The following FMO2 variants were observed in gnomAD, a reference collection of about 807,000 sequenced individuals.
FMO2 encodes flavin-containing monooxygenase 2.
Under a neutral mutation model 41.6 loss-of-function variants are expected in FMO2, and 33 were observed. That is an observed-to-expected ratio of 0.79 (90% confidence interval 0.60 to 1.06). The LOEUF is 1.06. Among genes scored for constraint, FMO2 ranks in the 50% least tolerant of loss-of-function variants. FMO2 has a pLI of 0.00. For synonymous variants in FMO2, 214 were observed against 219.6 expected (o/e 0.97, Z 0.23); for missense variants, 619 against 632.9 (o/e 0.98, Z 0.23).
Position 171,205,131 on chromosome 1 carries a change from G to T in FMO2, c.828-148G>T, listed in dbSNP as rs567654705. ...ACATGAGAATTAAGTCAGAAAATAA[G>T]GATTTGCACAGACAACCAGTTAAGT... On this transcript the variant is annotated intron_variant, in intron 6 of 8. Coordinates refer to ENST00000209929, the MANE Select transcript of FMO2 (RefSeq NM_001460.5). The T allele has an allele frequency of 1.5e-5, 8 of 550,618 alleles. No individual in the cohort carries two copies. In the South Asian group the frequency reaches 2.4e-4, roughly 17 times the overall value. The allele number at this position is 550,618 out of a possible 1,614,324, so 34.1% of individuals were successfully genotyped here. A position where few individuals can be genotyped will look rare whatever the true frequency, so the allele number is the denominator to read the frequency against.
Position 171,205,470 on chromosome 1 carries a change from A to G in FMO2, c.1019A>G (p.Asp340Gly), listed in dbSNP as rs1184213525. 6.2e-7 allele frequency: 1 copy of G among 1,613,748 alleles called. No individual in the cohort carries two copies. Among genetic ancestry groups the G allele is most frequent in the South Asian group, 1.1e-5 (1 of 91,078 alleles). ...AGTTTCTCTTTTCCCTTCCTTGAAGATTCACTCGTTAAAGTAGAGAATAAT... is the reference window on the plus strand; with the variant it reads ...AGTTTCTCTTTTCCCTTCCTTGAAGGTTCACTCGTTAAAGTAGAGAATAAT... ...GYSFSFPFLE[D>G]SLVKVENNMV... The change falls in exon 7 of 9, where the codon GAT becomes GGT. Residue 340 changes from aspartate (D) to glycine (G), a missense_variant. Transcript: ENST00000209929.
Position 171,208,830 on chromosome 1 carries a change from T to A in FMO2, c.1293T>A (p.Asn431Lys). ...GESQSQTLQT[N>K]YVDYLDELAL... ...GCCAGAGCCAGACGTTGCAGACCAA[T>A]TATGTTGACTACTTGGACGAGCTCG... The change falls in exon 9 of 9, where the codon AAT becomes AAA. Residue 431 changes from asparagine (N) to lysine (K), a missense_variant. Physicochemically the swap from Asn to Lys is moderately conservative, Grantham distance 94. Coordinates refer to ENST00000209929, the MANE Select transcript of FMO2 (RefSeq NM_001460.5). 3.1e-6 allele frequency: 5 copies of A among 1,613,960 alleles called. No homozygotes were observed. Among genetic ancestry groups the A allele is most frequent in the Non-Finnish European group, 4.2e-6 (5 of 1,179,852 alleles).
chr1:171,185,616 C>A, intron 1 of FMO2, 92 bp from the exon 2 acceptor site: 1 of 1,272,264 alleles, frequency 7.9e-7, no homozygotes, highest in Non-Finnish European at 1.1e-6. Context: ...ACCACTGCTA[C>A]AATGTTTAAA....
At chr1:171,192,528 G>A (rs1175500135) in intron 2 of FMO2, among the ~76,000 whole-genome samples, 1 of 152,140 alleles carries the variant, frequency 6.6e-6, no homozygotes, top group Non-Finnish European at 1.5e-5. Flanking sequence ...TTGGGAGGCT[G>A]AGGCGGGTGG....
intron 2 of FMO2, among the ~76,000 whole-genome samples, chr1:171,187,402 G>A (rs28369806): frequency 7.4e-4 from 112 of 152,208 alleles, no homozygotes; most frequent in African/African-American, 2.6e-3. Flanking sequence ...CAGGACCTGC[G>A]CATGCTTTGT....
chr1:171,196,109 A>G (rs148453270), intron 3 of FMO2, among the ~76,000 whole-genome samples: 150 of 152,348 alleles, frequency 9.8e-4, no homozygotes, highest in African/African-American at 3.3e-3. Flanking sequence ...AAAGATATAT[A>G]TTTGGTGATA....
At position 171,205,549 on chromosome 1, in the gene FMO2, C is replaced by G. The variant is rs771519694; in HGVS notation, c.1098C>G (p.Leu366=). Residue 366 remains leucine (L), a synonymous_variant, in exon 7 of 9, where the codon CTC becomes CTG. Coordinates refer to ENST00000209929, the MANE Select transcript of FMO2 (RefSeq NM_001460.5). ...CCGCTCACCTGGACAAGTCAACCCT[C>G]GCGTGCATTGGTCTCATCCAGCCCC... ...IFPAHLDKST[L]ACIGLIQPLG... is the part of the protein sequence containing the mutation. 3.0e-5 allele frequency: 49 copies of G among 1,613,882 alleles called. No homozygotes were observed. The South Asian group carries it at 4.9e-4, about 16-fold the overall frequency.
At chr1:171,190,036 T>C (rs569791477) in intron 2 of FMO2, among the ~76,000 whole-genome samples, 1 of 152,312 alleles carries the variant, frequency 6.6e-6, no homozygotes, top group Middle Eastern at 3.4e-3. Context: ...AAAGCAAAAA[T>C]ATTGATTGGT....
At chr1:171,207,383 A>G (rs1571294188) in intron 7 of FMO2, among the ~76,000 whole-genome samples, 1 of 152,196 alleles carries the variant, frequency 6.6e-6, no homozygotes, top group Non-Finnish European at 1.5e-5. Flanking sequence ...CACTTCATTC[A>G]GAATACTCTT....
At chr1:171,196,918 C>T (rs1463026393) in intron 4 of FMO2, 107 bp downstream of exon 4, 2 of 961,334 alleles carry the variant, frequency 2.1e-6, no homozygotes, top group Non-Finnish European at 3.2e-6. Context: ...CAGAACTTGG[C>T]TCAATAAGAT....
chr1:171,209,058 A>T lies in FMO2; in HGVS notation c.1521A>T (p.Ser507=). The T allele has an allele frequency of 8.7e-7, 1 of 1,148,114 alleles. No individual in the cohort carries two copies. The highest frequency in any genetic ancestry group is 1.2e-6 in the Non-Finnish European group (1 of 805,440). 71.1% of individuals were successfully genotyped at this position (1,148,114 alleles called of 1,614,324 possible). The part of the protein sequence containing the change: ...KPLKTRALKD[S]SNFSVSFLLK... ...TCAAGACTCGGGCCCTGAAGGATTC[A>T]TCTAATTTCTCAGTTTCTTTTCTGT... Residue 507 remains serine (S), a synonymous_variant, in exon 9 of 9, where the codon TCA becomes TCT. Transcript: ENST00000209929.
chr1:171,212,163 G>A lies in FMO2; in HGVS notation c.*3018G>A, dbSNP rs1659008631. Reference sequence around the variant, plus strand: ...AAACTTGCAATAGTATTGGGAGATGGGGCCTAATGAGGTGATTAGGTGAAG... The same window carrying A: ...AAACTTGCAATAGTATTGGGAGATGAGGCCTAATGAGGTGATTAGGTGAAG... On this transcript the variant is annotated 3_prime_UTR_variant, in exon 9 of 9. Coordinates refer to ENST00000209929, the MANE Select transcript of FMO2 (RefSeq NM_001460.5). Among the ~76,000 whole-genome samples the A allele has an allele frequency of 1.3e-5, 2 of 152,152 alleles. No homozygotes were observed. The highest frequency in any genetic ancestry group is 4.1e-4 in the South Asian group (2 of 4,828).
chr1:171,203,078 C>T (rs1658599141), intron 5 of FMO2, among the ~76,000 whole-genome samples: 1 of 152,100 alleles, frequency 6.6e-6, no homozygotes, highest in Non-Finnish European at 1.5e-5. Flanking sequence ...CACTGTGTCT[C>T]ATGCCTGTAA....
intron 2 of FMO2, 137 bp from the exon 3 acceptor site, chr1:171,193,198 T>C: frequency 1.6e-6 from 1 of 616,800 alleles, no homozygotes; most frequent in Non-Finnish European, 2.8e-6. Flanking sequence ...ATAGACTGCA[T>C]TCATTACCTA....
In FMO2 at chr1:171,208,957, C is replaced by G; in HGVS notation, c.1420C>G (p.Arg474Gly). ...CGGACCCTGCAACTCCTATCAGTATCGCCTGGTTGGGCCTGGGCAATGGGA... is the reference window on the plus strand; with the variant it reads ...CGGACCCTGCAACTCCTATCAGTATGGCCTGGTTGGGCCTGGGCAATGGGA... ...YFGPCNSYQY[R>G]LVGPGQWEGA... The change falls in exon 9 of 9, where the codon CGC (arginine) becomes GGC (glycine). Residue 474 changes from arginine to glycine, a missense_variant. Physicochemically the swap from Arg to Gly is moderately radical, Grantham distance 125 (BLOSUM62 -2). Coordinates refer to ENST00000209929, the MANE Select transcript of FMO2 (RefSeq NM_001460.5). 1.2e-6 allele frequency: 2 copies of G among 1,612,890 alleles called. No homozygotes were observed. The highest frequency in any genetic ancestry group is 1.1e-5 in the South Asian group (1 of 90,850).
intron 8 of FMO2, 46 bp downstream of exon 8, chr1:171,207,836 G>A (rs1278702004): frequency 1.6e-6 from 2 of 1,265,052 alleles, no homozygotes; most frequent in South Asian, 1.2e-5. Flanking sequence ...GTTTCTCAAA[G>A]TACAGTGATC....
At chr1:171,191,393 G>A (rs1183409823) in intron 2 of FMO2, among the ~76,000 whole-genome samples, 2 of 152,188 alleles carry the variant, frequency 1.3e-5, no homozygotes, top group African/African-American at 4.8e-5. Context: ...CATTTTGGCT[G>A]TAGTATAACA....
chr1:171,207,447 T>C lies in FMO2; in HGVS notation c.1184-271T>C, dbSNP rs1571294270. ...ACCTTCAGGATAGAGCCCAAACCAC[T>C]AGTCATGGCTGCCAGGCTCCCAGAC... On this transcript the variant is annotated intron_variant, in intron 7 of 8. Transcript: ENST00000209929. 3 of 334,398 alleles carry C rather than the reference T, an allele frequency of 9.0e-6. No individual in the cohort carries two copies. In the East Asian group the frequency reaches 1.5e-4, roughly 17 times the overall value. The allele number at this position is 334,398 out of a possible 1,614,324, so 20.7% of individuals were successfully genotyped here. A position where few individuals can be genotyped will look rare whatever the true frequency, so the allele number is the denominator to read the frequency against.
chr1:171,197,018 A>G (rs1286731778), intron 4 of FMO2, among the ~76,000 whole-genome samples: 1 of 152,314 alleles, frequency 6.6e-6, no homozygotes, highest in East Asian at 1.9e-4. Flanking sequence ...TCTCAGAGCC[A>G]ACTTCCTTGG....
Sources: allele counts gnomAD v4.1 joint callset (sites outside exome capture counted in the v4.1 genomes callset), GRCh38; gene constraint gnomAD v4.1.1; transcripts MANE v1.5; gene names NCBI Gene and HGNC (gene_info 2026-07-23, HGNC 2026-07-21).